The following SPARC variants were observed in gnomAD, a reference collection of about 807,000 sequenced individuals.
SPARC encodes basement-membrane protein 40.
SPARC carries 23 observed loss-of-function variants against 37.7 expected under a neutral mutation model. The ratio of observed to expected loss-of-function variants is 0.61; its 90% CI spans 0.44 to 0.87. SPARC has a LOEUF of 0.87. Among genes scored for constraint, SPARC ranks in the 40% least tolerant of loss-of-function variants. The pLI, the probability that SPARC is intolerant of heterozygous loss-of-function variation, is 0.00. For missense variants in SPARC, 312 were observed against 389.0 expected (o/e 0.80, Z 1.66); for synonymous variants, 155 against 150.8 (o/e 1.03, Z -0.20).
chr5:151,686,646 G>A (rs1438610215), intron 1 of SPARC: 3 of 152,262 alleles, frequency 2.0e-5, no homozygotes, highest in Admixed American at 1.3e-4. Context: ...CTGTAAACCT[G>A]TAAGGGAAGA....
At chr5:151,686,455 C>T (rs1449845472) in intron 1 of SPARC, 1 of 152,166 alleles carries the variant, frequency 6.6e-6, no homozygotes, top group Non-Finnish European at 1.5e-5. Context: ...GGACAGACTC[C>T]GGTTGCTGGC....
chr5:151,668,579 G>A (rs992201066), intron 6 of SPARC, among the ~76,000 whole-genome samples: 2 of 152,182 alleles, frequency 1.3e-5, no homozygotes, highest in South Asian at 4.1e-4. Flanking sequence ...TTAGGGGTCT[G>A]TTCTTCCCTC....
At chr5:151,680,110 A>AT (rs1217213281) in intron 1 of SPARC, among the ~76,000 whole-genome samples, 3 of 151,382 alleles carry the variant, frequency 2.0e-5, no homozygotes, top group African/African-American at 4.9e-5. Context: ...ATTTTAACCA[A>AT]TTTTTTTATT....
chr5:151,669,319 G>C (rs190902028), intron 6 of SPARC, among the ~76,000 whole-genome samples: 23 of 152,290 alleles, frequency 1.5e-4, no homozygotes, highest in Admixed American at 1.5e-3. Flanking sequence ...TTGCTTTACA[G>C]TGTTGAAGCA....
intron 1 of SPARC, among the ~76,000 whole-genome samples, chr5:151,681,456 C>A (rs1040764581): frequency 6.6e-5 from 10 of 152,222 alleles, no homozygotes; most frequent in Non-Finnish European, 1.5e-5. Context: ...AAGGTCAGTG[C>A]TCAAAATTAT....
intron 6 of SPARC, among the ~76,000 whole-genome samples, chr5:151,668,408 C>T (rs192140521): frequency 6.6e-6 from 1 of 152,312 alleles, no homozygotes; most frequent in East Asian, 1.9e-4. Context: ...CCTACTCGGC[C>T]TCCCAAAGTG....
At chr5:151,667,301 T>C (rs532807499) in intron 7 of SPARC, among the ~76,000 whole-genome samples, 166 bp downstream of exon 7, 3 of 152,320 alleles carry the variant, frequency 2.0e-5, no homozygotes, top group East Asian at 3.9e-4. Context: ...AAGATGTTAA[T>C]GTGCACCACA....
chr5:151,678,284 T>C (rs1488179647), intron 1 of SPARC, among the ~76,000 whole-genome samples: 1 of 152,148 alleles, frequency 6.6e-6, no homozygotes, highest in East Asian at 1.9e-4. Flanking sequence ...GCGTCCTTCA[T>C]ATGAGCAGAG....
At chr5:151,675,935 C>G (rs1036725967) in intron 2 of SPARC, among the ~76,000 whole-genome samples, 197 bp downstream of exon 2, 2 of 152,128 alleles carry the variant, frequency 1.3e-5, no homozygotes, top group African/African-American at 4.8e-5. Flanking sequence ...ATGGAACTCT[C>G]TCTTCTCTGA....
chr5:151,672,935 T>G, intron 4 of SPARC, 194 bp downstream of exon 4: 2 of 589,296 alleles, frequency 3.4e-6, no homozygotes, highest in South Asian at 2.0e-5. Context: ...TGGAAACCGA[T>G]CTTGCCCAGA....
intron 6 of SPARC, 41 bp downstream of exon 6, chr5:151,669,623 C>T: frequency 6.2e-7 from 1 of 1,604,422 alleles, no homozygotes; most frequent in Non-Finnish European, 8.5e-7. Context: ...TCAGAGCTCT[C>T]TCCCCAAGAC....
chr5:151,684,904 A>G (rs1038125597), intron 1 of SPARC, among the ~76,000 whole-genome samples: 3 of 152,156 alleles, frequency 2.0e-5, no homozygotes, highest in Non-Finnish European at 4.4e-5. Flanking sequence ...GGAGATTATC[A>G]TGGCCCAAGG....
rs961483958 is a variant in SPARC, at chr5:151,662,623, G to T, written c.*948C>A. The T allele has an allele frequency of 2.0e-5, 3 of 152,574 alleles. No homozygotes were observed. 9.5% of individuals were successfully genotyped at this position (152,574 alleles called of 1,614,324 possible). A position where few individuals can be genotyped will look rare whatever the true frequency, so the allele number is the denominator to read the frequency against. ...TCTCTTGATTAATAGAAGAAAAAAG[G>T]GGAGGGTGAAGAAAAGGAGGAACAT... On this transcript the variant is annotated 3_prime_UTR_variant, in exon 10 of 10. Transcript: ENST00000231061.
chr5:151,667,166 C>CTCATTAAAGCTTAAGAT (rs2113087525), intron 7 of SPARC, among the ~76,000 whole-genome samples: 1 of 152,288 alleles, frequency 6.6e-6, no homozygotes, highest in South Asian at 2.1e-4. Context: ...AGTTAATATG[C>CTCATTAAAGCTTAAGAT]TCATTAAAGC....
At chr5:151,680,213 C>G (rs1194024347) in intron 1 of SPARC, among the ~76,000 whole-genome samples, 1 of 88,908 alleles carries the variant, frequency 1.1e-5, no homozygotes, top group African/African-American at 5.3e-5. Context: ...TAGTGGAAAA[C>G]ATCTTTTTTT....
At chr5:151,685,130 T>C (rs954487830) in intron 1 of SPARC, 1 of 152,184 alleles carries the variant, frequency 6.6e-6, no homozygotes, top group Non-Finnish European at 1.5e-5. Flanking sequence ...GGGTGGGACT[T>C]GGAGAAAGTT....
intron 2 of SPARC, among the ~76,000 whole-genome samples, 174 bp downstream of exon 2, chr5:151,675,958 A>G (rs1457930886): frequency 2.0e-5 from 3 of 152,016 alleles, no homozygotes; most frequent in African/African-American, 2.4e-5. Flanking sequence ...CCTCCACCCA[A>G]TGGTCCTCAT....
At chr5:151,666,622 G>A (rs1760629139) in intron 7 of SPARC, 113 bp from the exon 8 acceptor site, 3 of 912,594 alleles carry the variant, frequency 3.3e-6, no homozygotes, top group Non-Finnish European at 4.9e-6. Context: ...CCAGACCAAA[G>A]CTCACAGCGA....
Position 151,671,583 on chromosome 5 carries a change from T to A in SPARC, c.320A>T (p.Glu107Val). 1 of 1,575,772 alleles carries A rather than the reference T, an allele frequency of 6.3e-7. No homozygotes were observed. Among genetic ancestry groups the A allele is most frequent in the Non-Finnish European group, 8.6e-7 (1 of 1,161,808 alleles). Residue 107 changes from glutamate (E) to valine (V), a missense_variant, in exon 5 of 10, where the codon GAG (glutamate) becomes GTG (valine). Coordinates refer to ENST00000231061, the MANE Select transcript of SPARC (RefSeq NM_003118.4). ...TCTCTCAGCCCTCACCTTCTCAAAC[T>A]CGCCAATGGGGGCTGGGCAGCTGGT... ...DPTSCPAPIG[E>V]FEKVCSNDNK...
Sources: gnomAD v4.1 joint callset for allele counts (sites outside exome capture counted in the v4.1 genomes callset) on GRCh38, gnomAD v4.1.1 for gene constraint, MANE v1.5 for transcripts, NCBI Gene and HGNC (gene_info 2026-07-23, HGNC 2026-07-21) for gene names.